The following ALMS1 variants were observed in gnomAD, a reference collection of about 807,000 sequenced individuals.
ALMS1 encodes centrosome-associated protein ALMS1.
A neutral mutation model predicts 352.2 loss-of-function variants in ALMS1; 271 were observed. That is an observed-to-expected ratio of 0.77 (90% confidence interval 0.70 to 0.85). The LOEUF (loss-of-function observed/expected upper bound fraction) is 0.85. Among genes scored for constraint, ALMS1 ranks in the 40% least tolerant of loss-of-function variants. ALMS1 has a pLI of 0.00. For missense variants in ALMS1, 5,445 were observed against 4,870.7 expected, an observed-to-expected ratio of 1.12 and a Z score of -3.51; for synonymous variants, 1,865 against 1,761.2, an observed-to-expected ratio of 1.06 and a Z score of -1.48.
intron 9 of ALMS1, among the ~76,000 whole-genome samples, chr2:73,456,097 A>G (rs1476024365): frequency 2.0e-5 from 3 of 152,224 alleles, no homozygotes; most frequent in African/African-American, 7.2e-5. Context: ...TATATTTACT[A>G]TCGAGCTTGA....
chr2:73,497,238 T>C (rs1673128851), intron 10 of ALMS1, among the ~76,000 whole-genome samples: 1 of 152,164 alleles, frequency 6.6e-6, no homozygotes, highest in Non-Finnish European at 1.5e-5. Context: ...CTGATTATTT[T>C]AATTTTTTTC....
intron 10 of ALMS1, among the ~76,000 whole-genome samples, chr2:73,515,026 T>C (rs1169059646): frequency 6.6e-6 from 1 of 152,160 alleles, no homozygotes; most frequent in Non-Finnish European, 1.5e-5. Context: ...CTCATAAATA[T>C]TGTTTCTGCA....
At chr2:73,554,748 A>T (rs1489543648) in intron 13 of ALMS1, among the ~76,000 whole-genome samples, 1 of 152,128 alleles carries the variant, frequency 6.6e-6, no homozygotes, top group Non-Finnish European at 1.5e-5. Context: ...GAATGAGGGG[A>T]GCGTGTAAGT....
chr2:73,485,952 C>T (rs995690740), intron 9 of ALMS1, among the ~76,000 whole-genome samples: 1 of 152,002 alleles, frequency 6.6e-6, no homozygotes, highest in African/African-American at 2.4e-5. Flanking sequence ...TGCGCGCACC[C>T]ACTGACCTGC....
intron 9 of ALMS1, among the ~76,000 whole-genome samples, chr2:73,465,419 A>T (rs1672313020): frequency 6.6e-6 from 1 of 152,138 alleles, no homozygotes; most frequent in African/African-American, 2.4e-5. Context: ...TGGTGCTGGG[A>T]AAACTGGCTA....
intron 7 of ALMS1, among the ~76,000 whole-genome samples, chr2:73,433,251 A>G (rs142611220): frequency 2.0e-5 from 3 of 152,338 alleles, no homozygotes; most frequent in African/African-American, 7.2e-5. Flanking sequence ...ACACTCAGGA[A>G]TGGAGATGAT....
intron 10 of ALMS1, among the ~76,000 whole-genome samples, chr2:73,502,053 T>C (rs1337833265): frequency 6.6e-6 from 1 of 152,154 alleles, no homozygotes; most frequent in Non-Finnish European, 1.5e-5. Context: ...AGTTTTCTCA[T>C]TGTTCATTGC....
chr2:73,389,211 A>G (rs1483088021), intron 1 of ALMS1, among the ~76,000 whole-genome samples: 2 of 151,688 alleles, frequency 1.3e-5, no homozygotes, highest in African/African-American at 2.4e-5. Context: ...GCATTTTTTC[A>G]TGTTTTTTGG....
intron 9 of ALMS1, among the ~76,000 whole-genome samples, chr2:73,473,874 A>G (rs1672519136): frequency 6.6e-6 from 1 of 151,934 alleles, no homozygotes; most frequent in African/African-American, 2.4e-5. Context: ...GGGCTATGGG[A>G]CATCCCCAAG....
chr2:73,424,301 G>C (rs1265856735), intron 4 of ALMS1, 129 bp from the exon 5 acceptor site: 1 of 619,168 alleles, frequency 1.6e-6, no homozygotes, highest in African/African-American at 1.9e-5. Context: ...GAAATTAGGA[G>C]AGCTGTGTTT....
At chr2:73,465,840 T>G (rs1458597873) in intron 9 of ALMS1, among the ~76,000 whole-genome samples, 3 of 152,196 alleles carry the variant, frequency 2.0e-5, no homozygotes, top group African/African-American at 7.2e-5. Context: ...GAACAGACAC[T>G]TCTCAAAAGA....
At chr2:73,607,639 T>A (rs532297688) in intron 21 of ALMS1, among the ~76,000 whole-genome samples, 15 of 151,952 alleles carry the variant, frequency 9.9e-5, no homozygotes, top group South Asian at 2.1e-4. Flanking sequence ...TTATTATTTT[T>A]TTATTATTAT....
rs1469558221 is a variant in ALMS1, at chr2:73,572,827, A to G, written c.10950A>G (p.Thr3650=). ...ATTCTCTCCAGGTCTCAGAAAGTAC[A>G]CATGATGATAGCAGAGGGGAACGAA... is the stretch of plus-strand genomic sequence containing the variant. ...ITHSLQVSES[T]HDDSRGERSV... is the part of the protein sequence containing the mutation. The change falls in exon 16 of 23, where the codon ACA becomes ACG. Residue 3650 remains threonine (T), a synonymous_variant. Transcript: ENST00000613296. 6.2e-7 allele frequency: 1 copy of G among 1,614,108 alleles called. No individual in the cohort carries two copies. The highest frequency in any genetic ancestry group is 8.5e-7 in the Non-Finnish European group (1 of 1,179,998).
rs905714393 is a variant in ALMS1, at chr2:73,572,598, A to G, written c.10721A>G (p.Asn3574Ser). 10 of 1,613,854 alleles carry G rather than the reference A, an allele frequency of 6.2e-6. No individual in the cohort carries two copies. The highest frequency in any genetic ancestry group is 1.3e-5 in the African/African-American group (1 of 74,920). The change falls in exon 16 of 23, where the codon AAT (asparagine) becomes AGT (serine). Residue 3574 changes from asparagine to serine, a missense_variant. Asn to Ser is a conservative substitution (Grantham distance 46, BLOSUM62 1). Coordinates refer to ENST00000613296, the MANE Select transcript of ALMS1 (RefSeq NM_001378454.1). ...CAAGTTAGAGATTATCCAAAACATA[A>G]TGGACAAATTAGTGATCCACAAAGG... ...KSQVRDYPKHNGQISDPQRDQ... is the reference protein window; with the variant it reads ...KSQVRDYPKHSGQISDPQRDQ...
At chr2:73,410,856 G>C (rs1212524922) in intron 2 of ALMS1, among the ~76,000 whole-genome samples, 1 of 152,062 alleles carries the variant, frequency 6.6e-6, no homozygotes, top group Admixed American at 6.5e-5. Context: ...AATAACTTGA[G>C]TATCAGATTT....
At chr2:73,438,458 A>G (rs1167749178) in intron 7 of ALMS1, among the ~76,000 whole-genome samples, 1 of 152,220 alleles carries the variant, frequency 6.6e-6, no homozygotes, top group Non-Finnish European at 1.5e-5. Flanking sequence ...GATTATTGAA[A>G]AAGAATCGGT....
intron 12 of ALMS1, among the ~76,000 whole-genome samples, chr2:73,542,593 ATGAT>A: frequency 6.6e-6 from 1 of 152,346 alleles, no homozygotes; most frequent in East Asian, 1.9e-4. Flanking sequence ...TGCAGATGAC[ATGAT>A]TGTATATCTA....
At chr2:73,542,719 A>G (rs1674215265) in intron 12 of ALMS1, among the ~76,000 whole-genome samples, 1 of 152,204 alleles carries the variant, frequency 6.6e-6, no homozygotes, top group Admixed American at 6.5e-5. Context: ...ATACACCAAT[A>G]GCAGACAAAC....
chr2:73,475,673 A>G (rs1183330677), intron 9 of ALMS1, among the ~76,000 whole-genome samples: 1 of 151,846 alleles, frequency 6.6e-6, no homozygotes, highest in Non-Finnish European at 1.5e-5. Context: ...AGACTTTTTT[A>G]CTTTCTTGAT....
Sources: gnomAD v4.1 joint callset for allele counts (sites outside exome capture counted in the v4.1 genomes callset) on GRCh38, gnomAD v4.1.1 for gene constraint, MANE v1.5 for transcripts, NCBI Gene and HGNC (gene_info 2026-07-23, HGNC 2026-07-21) for gene names.